Variants in RIF1 observed in about 807,000 individuals in gnomAD.
The protein encoded by RIF1 is replication timing regulatory factor 1.
RIF1 carries 45 observed loss-of-function variants against 247.1 expected under a neutral mutation model. The ratio of observed to expected loss-of-function variants is 0.18; its 90% CI spans 0.14 to 0.23. The LOEUF (loss-of-function observed/expected upper bound fraction) is 0.23, where lower values mean the gene tolerates loss of function less well. RIF1 is among the 10% of genes least tolerant of loss of function. The pLI, the probability that RIF1 is intolerant of heterozygous loss-of-function variation, is 1.00. For synonymous variants in RIF1, 1,087 were observed against 978.8 expected (o/e 1.11, Z -2.06); for missense variants, 2,967 against 2,862.5 (o/e 1.04, Z -0.83).
downstream of RIF1, chr2:151,485,956 G>A: frequency 6.2e-7 from 1 of 1,611,024 alleles, no homozygotes. Flanking sequence ...ATGGAAAAGG[G>A]GAAATATTAT....
At chr2:151,461,428 G>C in intron 27 of RIF1, 139 bp downstream of exon 27, 1 of 762,192 alleles carries the variant, frequency 1.3e-6, no homozygotes, top group East Asian at 3.3e-5. Context: ...GTTTCACTCT[G>C]TTGCCCAGGC....
chr2:151,423,217 T>C (rs182273360), intron 8 of RIF1, 175 bp downstream of exon 8: 4 of 537,780 alleles, frequency 7.4e-6, no homozygotes, highest in African/African-American at 6.0e-5. Context: ...TGCATTGCTT[T>C]TGCTTTCATT....
At chr2:151,484,587 C>T (rs2049390398), downstream of RIF1, among the ~76,000 whole-genome samples, 1 of 152,186 alleles carries the variant, frequency 6.6e-6, no homozygotes, top group Admixed American at 6.5e-5. Context: ...CAGAGGGAGA[C>T]TCTGTCTCCA....
At chr2:151,431,519 CGTG>C (rs1403984634) in intron 9 of RIF1, among the ~76,000 whole-genome samples, 4 of 152,178 alleles carry the variant, frequency 2.6e-5, no homozygotes, top group African/African-American at 9.7e-5. Flanking sequence ...AGAGTCCAGA[CGTG>C]GTGGCTCACG....
rs369158078 is a variant in RIF1 at position 151,436,081 on chromosome 2, G to A, written c.1195+501G>A. Among the ~76,000 whole-genome samples the A allele has an allele frequency of 9.8e-4, 149 of 152,114 alleles. 1 individual carries two copies. Among genetic ancestry groups the A allele is most frequent in the Admixed American group, 1.8e-3 (28 of 15,264 alleles). ...TCTACTGAAAATAAAAAAATTAGCCGGGCGTGGTCGTGGGCCCCTGTAATA... is the reference window on the plus strand; with the variant it reads ...TCTACTGAAAATAAAAAAATTAGCCAGGCGTGGTCGTGGGCCCCTGTAATA... On this transcript the variant is annotated intron_variant, in intron 11 of 35. Transcript: ENST00000444746.
At chr2:151,439,092 A>T (rs1308010653) in intron 14 of RIF1, among the ~76,000 whole-genome samples, 1 of 152,234 alleles carries the variant, frequency 6.6e-6, no homozygotes, top group Non-Finnish European at 1.5e-5. Context: ...TAACAATATT[A>T]GTAAATTAGA....
At chr2:151,431,048 G>A (rs1690031990) in intron 9 of RIF1, among the ~76,000 whole-genome samples, 1 of 152,182 alleles carries the variant, frequency 6.6e-6, no homozygotes, top group African/African-American at 2.4e-5. Flanking sequence ...GTGAGGTAAT[G>A]TTTGGGACTA....
Position 151,416,792 on chromosome 2 carries a change from T to C in RIF1, c.409-15T>C. 2 of 1,603,628 alleles carry C rather than the reference T, an allele frequency of 1.2e-6. No individual in the cohort carries two copies. The highest frequency in any genetic ancestry group is 1.7e-6 in the Non-Finnish European group (2 of 1,174,706). On this transcript the variant is annotated splice_polypyrimidine_tract_variant and intron_variant, in intron 5 of 35. Coordinates refer to ENST00000444746, the MANE Select transcript of RIF1 (RefSeq NM_018151.5). Reference sequence around the variant, plus strand: ...CAGGCTTATTTCATTTGTATTTATTTGGTTCGTTTTTTAGGTATCCAGTAT... The same window carrying C: ...CAGGCTTATTTCATTTGTATTTATTCGGTTCGTTTTTTAGGTATCCAGTAT...
chr2:151,516,416 G>A, the RIF1 span: 1 of 1,349,890 alleles, frequency 7.4e-7, no homozygotes, highest in Admixed American at 1.8e-5. Context: ...GTGTTCAGTA[G>A]TGTGATGGAT....
intron 11 of RIF1, among the ~76,000 whole-genome samples, chr2:151,436,364 C>G (rs964041799): frequency 2.0e-5 from 3 of 151,972 alleles, no homozygotes; most frequent in Admixed American, 2.0e-4. Context: ...CATAGTGAGA[C>G]CCTGTCTCTA....
chr2:151,479,452 T>C lies in RIF1; in HGVS notation c.*4381T>C, dbSNP rs2049077351. The C allele has an allele frequency of 6.6e-6, 1 of 152,222 alleles. No homozygotes were observed. 9.4% of individuals were successfully genotyped at this position (152,222 alleles called of 1,614,324 possible). A position where few individuals can be genotyped will look rare whatever the true frequency, so the allele number is the denominator to read the frequency against. ...GTTGATTTCTAAGTATTAGAATATA[T>C]TTAGTCTCTAAATAAATCTTGCCTT... On this transcript the variant is annotated 3_prime_UTR_variant, in exon 36 of 36. Coordinates refer to ENST00000444746, the MANE Select transcript of RIF1 (RefSeq NM_018151.5).
At position 151,476,320 on chromosome 2, in the gene RIF1, T is replaced by A. The variant is rs1312077437; in HGVS notation, c.*1249T>A. The A allele has an allele frequency of 1.3e-5, 2 of 152,204 alleles. No individual in the cohort carries two copies. Among genetic ancestry groups the A allele is most frequent in the African/African-American group, 2.4e-5 (1 of 41,470 alleles). The allele number at this position is 152,204 out of a possible 1,614,324, so 9.4% of individuals were successfully genotyped here. A position where few individuals can be genotyped will look rare whatever the true frequency, so the allele number is the denominator to read the frequency against. Reference sequence around the variant, plus strand: ...CTGTGTTGCCTAGGTTTTCTTTTTTTAAAGAGGTATGTAATTAAAACCTTT... The same window carrying A: ...CTGTGTTGCCTAGGTTTTCTTTTTTAAAAGAGGTATGTAATTAAAACCTTT... On this transcript the variant is annotated 3_prime_UTR_variant, in exon 36 of 36. Coordinates refer to ENST00000444746, the MANE Select transcript of RIF1 (RefSeq NM_018151.5).
At chr2:151,437,104 TAC>T (rs1298119256) in intron 12 of RIF1, 101 bp downstream of exon 12, 1 of 1,254,686 alleles carries the variant, frequency 8.0e-7, no homozygotes, top group Non-Finnish European at 1.1e-6. Flanking sequence ...CAAAATATTT[TAC>T]AGTTGTGTAT....
chr2:151,473,905 A>G (rs1162766040), intron 34 of RIF1, 59 bp from the exon 35 acceptor site: 2 of 869,828 alleles, frequency 2.3e-6, no homozygotes, highest in Non-Finnish European at 3.9e-6. Flanking sequence ...ATTAAAAGTA[A>G]AGTTTCAATT....
At chr2:151,484,184 T>C (rs1316234452), downstream of RIF1, among the ~76,000 whole-genome samples, 6 of 152,376 alleles carry the variant, frequency 3.9e-5, no homozygotes, top group African/African-American at 1.4e-4. Flanking sequence ...AGCTGCATGT[T>C]GAACATTTTC....
chr2:151,462,707 A>G (rs1696376119), intron 29 of RIF1, among the ~76,000 whole-genome samples, 177 bp from the exon 30 acceptor site: 1 of 152,054 alleles, frequency 6.6e-6, no homozygotes, highest in Non-Finnish European at 1.5e-5. Flanking sequence ...AATATTTACA[A>G]TTAGGAACAC....
chr2:151,422,645 G>A (rs996153945), intron 7 of RIF1, among the ~76,000 whole-genome samples: 3 of 151,648 alleles, frequency 2.0e-5, no homozygotes, highest in Non-Finnish European at 4.4e-5. Flanking sequence ...AATTATGGGC[G>A]TCTGCCACCA....
At chr2:151,439,524 CATG>C (rs1691857515) in intron 14 of RIF1, among the ~76,000 whole-genome samples, 1 of 151,812 alleles carries the variant, frequency 6.6e-6, no homozygotes, top group Non-Finnish European at 1.5e-5. Flanking sequence ...ATTAGCCAGA[CATG>C]GTGGTGCATG....
intron 12 of RIF1, chr2:151,505,328 C>A: frequency 1.6e-6 from 1 of 626,204 alleles, no homozygotes; most frequent in Non-Finnish European, 2.7e-6. Context: ...CTTTTGCAAC[C>A]TGTAGTGACC....
Sources: gnomAD v4.1 joint callset for allele counts (sites outside exome capture counted in the v4.1 genomes callset) on GRCh38, gnomAD v4.1.1 for gene constraint, MANE v1.5 for transcripts, NCBI Gene and HGNC (gene_info 2026-07-23, HGNC 2026-07-21) for gene names.